Variants in FBXL17 observed in about 807,000 individuals in gnomAD.
FBXL17 encodes F-box and leucine rich repeat protein 17.
In FBXL17, 22 loss-of-function variants were observed where a neutral mutation model predicts 66.2. The observed-to-expected ratio is 0.33, with a 90% CI of 0.24 to 0.47. FBXL17 has a LOEUF of 0.47. Ranked by LOEUF, FBXL17 falls within the 20% of genes least tolerant of loss-of-function variation. The probability of loss-of-function intolerance (pLI) is 1.00; values close to 1 mark genes in which losing one functional copy is unlikely to be tolerated. For synonymous variants in FBXL17, 474 were observed against 400.5 expected, an observed-to-expected ratio of 1.18 and a Z score of -2.19; for missense variants, 878 against 948.2, an observed-to-expected ratio of 0.93 and a Z score of 0.97.
intron 4 of FBXL17, among the ~76,000 whole-genome samples, chr5:108,258,388 G>A (rs1756667457): frequency 6.6e-6 from 1 of 152,140 alleles, no homozygotes; most frequent in Non-Finnish European, 1.5e-5. Context: ...GGCAGCCTTA[G>A]CAGACGAATA....
chr5:107,964,107 A>C (rs10036176), intron 7 of FBXL17, among the ~76,000 whole-genome samples: 14,812 of 152,188 alleles, frequency 0.097, 800 homozygotes, highest in South Asian at 0.13. Context: ...ACTCTAGTAC[A>C]GACAGGTGAA....
intron 4 of FBXL17, among the ~76,000 whole-genome samples, chr5:108,276,950 T>G (rs924038035): frequency 5.9e-5 from 9 of 152,112 alleles, no homozygotes; most frequent in Non-Finnish European, 8.8e-5. Context: ...CTTTTTTTTT[T>G]CATTTAATCT....
chr5:108,213,997 C>T (rs1308897597), intron 5 of FBXL17, among the ~76,000 whole-genome samples: 1 of 152,148 alleles, frequency 6.6e-6, no homozygotes, highest in Non-Finnish European at 1.5e-5. Flanking sequence ...CCCTTATCTG[C>T]AGTTTCACTT....
At chr5:108,161,089 T>C (rs1226862481) in intron 6 of FBXL17, among the ~76,000 whole-genome samples, 1 of 152,074 alleles carries the variant, frequency 6.6e-6, no homozygotes, top group Admixed American at 6.5e-5. Flanking sequence ...AGATTATGCA[T>C]AAATGGTAGC....
chr5:107,963,502 T>A (rs940869416), intron 7 of FBXL17, among the ~76,000 whole-genome samples: 5 of 152,066 alleles, frequency 3.3e-5, no homozygotes, highest in African/African-American at 1.2e-4. Context: ...AGAAAAAAAA[T>A]GGGTTTTAAT....
At chr5:108,245,009 A>C (rs1016882729) in intron 4 of FBXL17, among the ~76,000 whole-genome samples, 36 of 152,304 alleles carry the variant, frequency 2.4e-4, no homozygotes, top group African/African-American at 8.4e-4. Flanking sequence ...AATGGTCTTA[A>C]AGATATAAAA....
At chr5:108,311,354 T>C (rs928554148) in intron 4 of FBXL17, among the ~76,000 whole-genome samples, 1 of 151,972 alleles carries the variant, frequency 6.6e-6, no homozygotes, top group Admixed American at 6.6e-5. Context: ...GTATTTTTAG[T>C]AGAGACAGGG....
chr5:108,349,831 G>A (rs1343146263), intron 3 of FBXL17, among the ~76,000 whole-genome samples: 1 of 152,102 alleles, frequency 6.6e-6, no homozygotes, highest in African/African-American at 2.4e-5. Flanking sequence ...GGGGTTCCAG[G>A]AAAGCAGATT....
chr5:107,864,389 T>C (rs990904137), intron 8 of FBXL17, among the ~76,000 whole-genome samples: 4 of 152,266 alleles, frequency 2.6e-5, no homozygotes, highest in Non-Finnish European at 4.4e-5. Flanking sequence ...ATGTTCTCCA[T>C]GTACAAGAAG....
chr5:108,245,353 A>G (rs1756046236), intron 4 of FBXL17, among the ~76,000 whole-genome samples: 1 of 152,202 alleles, frequency 6.6e-6, no homozygotes, highest in Non-Finnish European at 1.5e-5. Context: ...TATTTTAATC[A>G]TAAATGGAAG....
rs1406363770 is a variant in FBXL17 at position 108,139,068 on chromosome 5, T to A, written c.1745+47049A>T. ...AATCTTTAATACTCAGATGAAATGA[T>A]CTAACTGAAATAAGAATATTTATGC... is the stretch of plus-strand genomic sequence containing the variant. On this transcript the variant is annotated intron_variant, in intron 6 of 8. Coordinates refer to ENST00000542267, the MANE Select transcript of FBXL17 (RefSeq NM_001163315.3). Among the ~76,000 whole-genome samples, 4 of 152,244 alleles carry A rather than the reference T, an allele frequency of 2.6e-5. No homozygotes were observed. In the East Asian group the frequency reaches 7.7e-4, roughly 29 times the overall value.
intron 6 of FBXL17, among the ~76,000 whole-genome samples, chr5:108,180,813 A>G (rs1353630292): frequency 6.6e-6 from 1 of 152,024 alleles, no homozygotes; most frequent in Non-Finnish European, 1.5e-5. Flanking sequence ...TTATTTTTCT[A>G]TATTGTTCTC....
At chr5:108,158,770 G>A (rs981048377) in intron 6 of FBXL17, among the ~76,000 whole-genome samples, 11 of 152,108 alleles carry the variant, frequency 7.2e-5, no homozygotes, top group Admixed American at 5.2e-4. Flanking sequence ...TCTTAACTCC[G>A]GTTTTAATTA....
intron 6 of FBXL17, among the ~76,000 whole-genome samples, chr5:108,168,538 G>C (rs751328586): frequency 8.5e-5 from 13 of 152,100 alleles, no homozygotes; most frequent in Non-Finnish European, 1.9e-4. Context: ...TTCCATTAAT[G>C]GCCTAAGGAT....
intron 7 of FBXL17, chr5:108,020,673 A>T (rs288170): frequency 0.17 from 46,219 of 275,508 alleles, 4,602 homozygotes; most frequent in South Asian, 0.43. Context: ...ATTTTGTGTG[A>T]GTGTGTGTGT....
At chr5:107,924,397 A>C (rs1035792957) in intron 7 of FBXL17, among the ~76,000 whole-genome samples, 4 of 152,190 alleles carry the variant, frequency 2.6e-5, no homozygotes, top group African/African-American at 9.6e-5. Context: ...TATTTATTAC[A>C]TGTAACTGGG....
chr5:107,872,559 T>C (rs1405861566), intron 8 of FBXL17, among the ~76,000 whole-genome samples: 1 of 152,222 alleles, frequency 6.6e-6, no homozygotes, highest in East Asian at 1.9e-4. Flanking sequence ...ATCCAATCTA[T>C]CCATTCATCC....
At chr5:108,024,927 T>C (rs968429811) in intron 6 of FBXL17, among the ~76,000 whole-genome samples, 1 of 152,128 alleles carries the variant, frequency 6.6e-6, no homozygotes, top group African/African-American at 2.4e-5. Flanking sequence ...CGTAATCATA[T>C]GATTTATGTG....
chr5:108,009,308 T>TATAGACAC, intron 7 of FBXL17, among the ~76,000 whole-genome samples: 1 of 42,220 alleles, frequency 2.4e-5, no homozygotes, highest in African/African-American at 8.8e-5. Context: ...TATACATATA[T>TATAGACAC]ACATACACAT....
Sources: allele counts gnomAD v4.1 joint callset (sites outside exome capture counted in the v4.1 genomes callset), GRCh38; gene constraint gnomAD v4.1.1; transcripts MANE v1.5; gene names NCBI Gene and HGNC (gene_info 2026-07-23, HGNC 2026-07-21).